GLCE: variants seen among roughly 807,000 people sequenced by gnomAD.
The protein encoded by GLCE is glucuronic acid epimerase.
A neutral mutation model predicts 47.9 loss-of-function variants in GLCE; 19 were observed. That is an observed-to-expected ratio of 0.40 (90% CI 0.28 to 0.58). The LOEUF is 0.58. GLCE is among the 20% of genes least tolerant of loss of function. The pLI, the probability that GLCE is intolerant of heterozygous loss-of-function variation, is 0.48. For synonymous variants in GLCE, 245 were observed against 263.4 expected (o/e 0.93, Z 0.68); for missense variants, 556 against 743.3 (o/e 0.75, Z 2.93).
At chr15:69,215,748 C>G (rs1420544244) in intron 2 of GLCE, among the ~76,000 whole-genome samples, 1 of 152,146 alleles carries the variant, frequency 6.6e-6, no homozygotes, top group Non-Finnish European at 1.5e-5. Flanking sequence ...GCATCCTTGT[C>G]AGCACTTGAT....
chr15:69,169,958 A>T (rs2051565251), intron 1 of GLCE, among the ~76,000 whole-genome samples: 1 of 152,210 alleles, frequency 6.6e-6, no homozygotes, highest in Non-Finnish European at 1.5e-5. Context: ...AGATTATTTC[A>T]AATGTATTAA....
At chr15:69,188,781 T>C (rs1348213978) in intron 1 of GLCE, among the ~76,000 whole-genome samples, 1 of 152,204 alleles carries the variant, frequency 6.6e-6, no homozygotes, top group Non-Finnish European at 1.5e-5. Flanking sequence ...ATGTATTTTC[T>C]CTCCACCCCC....
At position 69,230,014 on chromosome 15, in the gene GLCE, A is replaced by G. The variant is rs528554009; in HGVS notation, c.-14+19608A>G. On this transcript the variant is annotated intron_variant, in intron 2 of 4. Coordinates refer to ENST00000261858, the MANE Select transcript of GLCE (RefSeq NM_015554.3). ...CACTTGAGGTCAGGAGGTTGAGACT[A>G]GCCTGGCCAACATGGTGAAACCCCA... Among the ~76,000 whole-genome samples the G allele has an allele frequency of 4.6e-5, 7 of 152,214 alleles. No individual in the cohort carries two copies. In the South Asian group the frequency reaches 1.5e-3, roughly 32 times the overall value.
rs1322808767 is a variant in GLCE at position 69,246,752 on chromosome 15, G to T, written c.-13-9042G>T. Among the ~76,000 whole-genome samples, 4 of 151,132 alleles carry T rather than the reference G, an allele frequency of 2.6e-5. No individual in the cohort carries two copies. The South Asian group carries it at 6.3e-4, about 24-fold the overall frequency. On this transcript the variant is annotated intron_variant, in intron 2 of 4. Coordinates refer to ENST00000261858, the MANE Select transcript of GLCE (RefSeq NM_015554.3). Reference sequence around the variant, plus strand: ...AAAAAAAAGACATGAAAGTCAAATTGCTTTTTGATCTATGGGCTTCAGAAT... The same window carrying T: ...AAAAAAAAGACATGAAAGTCAAATTTCTTTTTGATCTATGGGCTTCAGAAT...
intron 2 of GLCE, among the ~76,000 whole-genome samples, chr15:69,239,402 C>A (rs1026691631): frequency 8.5e-5 from 13 of 152,052 alleles, no homozygotes; most frequent in African/African-American, 2.7e-4. Flanking sequence ...CATATATGCT[C>A]CAGACTGCCT....
At chr15:69,204,315 CT>C (rs2052119481) in intron 1 of GLCE, among the ~76,000 whole-genome samples, 1 of 123,356 alleles carries the variant, frequency 8.1e-6, no homozygotes, top group African/African-American at 3.0e-5. Flanking sequence ...TGGAATCTCA[CT>C]CTGTCACCCA....
Position 69,271,745 on chromosome 15 carries a change from T to C in GLCE, c.*2501T>C, listed in dbSNP as rs2053169479. ...AGTTGTAAAACCAGCCAAAAGTTTC[T>C]GGATGAAGGTCAAGTTTGACCTTTT... On this transcript the variant is annotated 3_prime_UTR_variant, in exon 5 of 5. Coordinates refer to ENST00000261858, the MANE Select transcript of GLCE (RefSeq NM_015554.3). 1 of 152,594 alleles carries C rather than the reference T, an allele frequency of 6.6e-6. No individual in the cohort carries two copies. The highest frequency in any genetic ancestry group is 2.4e-5 in the African/African-American group (1 of 41,464). 9.5% of individuals were successfully genotyped at this position (152,594 alleles called of 1,614,324 possible).
rs1371579648 is a variant in GLCE at position 69,197,089 on chromosome 15, T to G, written c.-104-13227T>G. The G allele has an allele frequency of 1.1e-4, 35 of 329,232 alleles. No individual in the cohort carries two copies. In the Admixed American group the frequency reaches 1.1e-3, roughly 11 times the overall value. The allele number at this position is 329,232 out of a possible 1,614,324, so 20.4% of individuals were successfully genotyped here. A position where few individuals can be genotyped will look rare whatever the true frequency, so the allele number is the denominator to read the frequency against. On this transcript the variant is annotated intron_variant, in intron 1 of 4. Transcript: ENST00000261858. ...ATGCTCAACAAATCTCTGAGATGCA[T>G]GGAAAGCTGCAACGCCTGCAGCCAG...
At chr15:69,237,075 G>A (rs2052602645) in intron 2 of GLCE, among the ~76,000 whole-genome samples, 1 of 152,030 alleles carries the variant, frequency 6.6e-6, no homozygotes, top group Admixed American at 6.6e-5. Context: ...GTGTCTGAAG[G>A]CTGTATATTA....
At chr15:69,251,478 T>A (rs1263641539) in intron 2 of GLCE, among the ~76,000 whole-genome samples, 1 of 152,230 alleles carries the variant, frequency 6.6e-6, no homozygotes, top group Non-Finnish European at 1.5e-5. Context: ...AACACTTGCC[T>A]GAATCTGTAA....
At chr15:69,230,911 C>T (rs531000210) in intron 2 of GLCE, among the ~76,000 whole-genome samples, 1 of 152,208 alleles carries the variant, frequency 6.6e-6, no homozygotes, top group African/African-American at 2.4e-5. Context: ...GGATCTTTTC[C>T]TTGCATTTTC....
intron 2 of GLCE, among the ~76,000 whole-genome samples, chr15:69,246,716 A>AG (rs1407527459): frequency 2.9e-5 from 4 of 137,038 alleles, no homozygotes; most frequent in Non-Finnish European, 4.6e-5. Flanking sequence ...ACTCCATCTC[A>AG]GAAAAAAAAA....
At chr15:69,183,870 A>G (rs1037801170) in intron 1 of GLCE, among the ~76,000 whole-genome samples, 1 of 152,190 alleles carries the variant, frequency 6.6e-6, no homozygotes, top group African/African-American at 2.4e-5. Flanking sequence ...AAAACACATA[A>G]CACTTGAGAA....
chr15:69,218,844 G>A (rs963745509), intron 2 of GLCE, among the ~76,000 whole-genome samples: 2 of 152,078 alleles, frequency 1.3e-5, no homozygotes, highest in South Asian at 2.1e-4. Flanking sequence ...TATCTGCATT[G>A]CTGTTAGCAG....
chr15:69,261,484 TA>T (rs1349954854), intron 4 of GLCE, among the ~76,000 whole-genome samples, 155 bp downstream of exon 4: 1 of 152,120 alleles, frequency 6.6e-6, no homozygotes, highest in East Asian at 1.9e-4. Context: ...ATGAAATCTC[TA>T]AAAAAGATAC....
intron 2 of GLCE, among the ~76,000 whole-genome samples, chr15:69,236,218 A>G (rs1042103389): frequency 6.4e-5 from 9 of 140,090 alleles, no homozygotes; most frequent in African/African-American, 3.0e-4. Context: ...TATCATTAAT[A>G]AACTGCTGTA....
At chr15:69,247,332 T>A (rs2052766896) in intron 2 of GLCE, among the ~76,000 whole-genome samples, 1 of 152,232 alleles carries the variant, frequency 6.6e-6, no homozygotes, top group South Asian at 2.1e-4. Context: ...GCTTCCAACT[T>A]TTCTTCTGCA....
Position 69,211,628 on chromosome 15 carries a change from C to T in GLCE, c.-14+1222C>T, listed in dbSNP as rs114983806. On this transcript the variant is annotated intron_variant, in intron 2 of 4. Coordinates refer to ENST00000261858, the MANE Select transcript of GLCE (RefSeq NM_015554.3). ...TCTTTGCTACCCTCCTCAGAAGTCT[C>T]TTGGCTGAAGAAAAAAAAAAGTATA... 5.8e-3 allele frequency among the ~76,000 whole-genome samples: 878 copies of T among 151,728 alleles called. 13 individuals carry two copies. The highest frequency in any genetic ancestry group is 0.021 in the African/African-American group (854 of 41,474).
At chr15:69,231,635 C>T (rs1440806333) in intron 2 of GLCE, among the ~76,000 whole-genome samples, 2 of 152,062 alleles carry the variant, frequency 1.3e-5, no homozygotes, top group African/African-American at 4.8e-5. Context: ...ATTCGCTGAG[C>T]ACTTGGCAAC....
Sources: gnomAD v4.1 joint callset for allele counts (sites outside exome capture counted in the v4.1 genomes callset) on GRCh38, gnomAD v4.1.1 for gene constraint, MANE v1.5 for transcripts, NCBI Gene and HGNC (gene_info 2026-07-23, HGNC 2026-07-21) for gene names.